ITGBL1: variants seen among roughly 807,000 people sequenced by gnomAD.
ITGBL1 encodes integrin subunit beta like 1.
ITGBL1 carries 51 observed loss-of-function variants against 68.5 expected under a neutral mutation model. The ratio of observed to expected loss-of-function variants is 0.74; its 90% CI spans 0.59 to 0.94. The LOEUF (loss-of-function observed/expected upper bound fraction) is 0.94, where lower values mean the gene tolerates loss of function less well. Ranked by LOEUF, ITGBL1 falls within the 40% of genes least tolerant of loss-of-function variation. The pLI is 0.00. For missense variants in ITGBL1, 649 were observed against 647.4 expected (o/e 1.00, Z -0.03); for synonymous variants, 209 against 227.3 (o/e 0.92, Z 0.72).
chr13:101,549,792 G>A (rs1053842330), intron 2 of ITGBL1, among the ~76,000 whole-genome samples: 3 of 151,834 alleles, frequency 2.0e-5, no homozygotes, highest in African/African-American at 7.3e-5. Flanking sequence ...TTATGTGTTG[G>A]TAAGTGTATT....
intron 7 of ITGBL1, among the ~76,000 whole-genome samples, chr13:101,604,575 T>C (rs1412762533): frequency 2.6e-5 from 4 of 151,478 alleles, no homozygotes; most frequent in Non-Finnish European, 5.9e-5. Flanking sequence ...TGAGTGCCTT[T>C]GGTCAAGGTC....
rs1419805022 is a variant in ITGBL1, at chr13:101,579,398, C to T, written c.698C>T (p.Ser233Phe). The T allele has an allele frequency of 1.9e-6, 3 of 1,613,648 alleles. No individual in the cohort carries two copies. The highest frequency in any genetic ancestry group is 2.5e-6 in the Non-Finnish European group (3 of 1,179,860). The change falls in exon 5 of 11, where the codon TCT (serine) becomes TTT (phenylalanine). Residue 233 changes from serine to phenylalanine, a missense_variant. Transcript: ENST00000376180. ...TGGGAAAGCAAGCGAAGATGCACGT[C>T]TCCAGATGGCAAAATCTGCAGTAAC... is the stretch of plus-strand genomic sequence containing the variant. Reference protein sequence around the residue: ...TPWESKRRCTSPDGKICSNRG... With the variant: ...TPWESKRRCTFPDGKICSNRG...
At chr13:101,521,941 C>T (rs964085374) in intron 2 of ITGBL1, among the ~76,000 whole-genome samples, 1 of 151,494 alleles carries the variant, frequency 6.6e-6, no homozygotes, top group African/African-American at 2.4e-5. Flanking sequence ...CTAGGTGAGG[C>T]ATCTCTCCTT....
intron 2 of ITGBL1, among the ~76,000 whole-genome samples, chr13:101,500,375 C>G (rs1345065800): frequency 1.3e-5 from 2 of 152,116 alleles, no homozygotes; most frequent in Non-Finnish European, 2.9e-5. Flanking sequence ...TAAAGCATTG[C>G]CAAGTTAAAA....
intron 2 of ITGBL1, among the ~76,000 whole-genome samples, chr13:101,503,411 C>G (rs2048975312): frequency 2.0e-5 from 3 of 152,082 alleles, no homozygotes. Flanking sequence ...AAGAATCAGA[C>G]TCCAGGAATG....
chr13:101,452,901 C>G lies in ITGBL1; in HGVS notation c.68C>G (p.Ala23Gly). ...ASSLLFAGLS[A>G]VPQSFSPSLR... ...TCCCTTCTCTTTGCTGGGTTGTCAG[C>G]TGTTCCTCAAAGCTTCTCGCCATCT... The change falls in exon 1 of 11, where the codon GCT becomes GGT. Residue 23 changes from alanine (A) to glycine (G), a missense_variant. Transcript: ENST00000376180. 1 of 1,614,182 alleles carries G rather than the reference C, an allele frequency of 6.2e-7. No homozygotes were observed. The highest frequency in any genetic ancestry group is 8.5e-7 in the Non-Finnish European group (1 of 1,180,024).
chr13:101,453,079 A>G (rs1387752694), intron 1 of ITGBL1, 148 bp downstream of exon 1: 12 of 635,436 alleles, frequency 1.9e-5, no homozygotes, highest in Non-Finnish European at 3.1e-5. Flanking sequence ...TCCTCTCCTT[A>G]TATCTACAGC....
At chr13:101,543,915 A>G (rs2049763683) in intron 2 of ITGBL1, among the ~76,000 whole-genome samples, 1 of 152,150 alleles carries the variant, frequency 6.6e-6, no homozygotes, top group Admixed American at 6.5e-5. Flanking sequence ...GGGTCCTTTA[A>G]GGACTTCTCT....
chr13:101,594,249 A>G (rs1372501538), intron 6 of ITGBL1, among the ~76,000 whole-genome samples: 1 of 152,180 alleles, frequency 6.6e-6, no homozygotes. Flanking sequence ...GACCAGTGGA[A>G]CAGAATAGAC....
intron 2 of ITGBL1, among the ~76,000 whole-genome samples, chr13:101,529,116 A>G (rs1458682578): frequency 6.6e-6 from 1 of 152,026 alleles, no homozygotes; most frequent in African/African-American, 2.4e-5. Flanking sequence ...AAATAAACAC[A>G]TGGATAATGC....
chr13:101,700,940 T>C (rs1338541635), intron 8 of ITGBL1, among the ~76,000 whole-genome samples: 5 of 152,204 alleles, frequency 3.3e-5, no homozygotes, highest in Admixed American at 3.3e-4. Flanking sequence ...TACTCAAATG[T>C]TGCTTATCGT....
intron 2 of ITGBL1, among the ~76,000 whole-genome samples, chr13:101,518,761 A>G (rs1289314585): frequency 6.6e-6 from 1 of 152,222 alleles, no homozygotes; most frequent in Non-Finnish European, 1.5e-5. Flanking sequence ...AATAATTTAC[A>G]TTAATTACAT....
intron 2 of ITGBL1, among the ~76,000 whole-genome samples, chr13:101,477,025 T>C (rs2048547761): frequency 6.6e-6 from 1 of 152,022 alleles, no homozygotes; most frequent in East Asian, 1.9e-4. Context: ...AGAACATCGA[T>C]GGCTGCAAAG....
chr13:101,537,740 C>T (rs2049604432), intron 2 of ITGBL1, among the ~76,000 whole-genome samples: 1 of 151,950 alleles, frequency 6.6e-6, no homozygotes. Flanking sequence ...CTTTGATCAA[C>T]TCCCAGTCAT....
chr13:101,579,336 T>C lies in ITGBL1; in HGVS notation c.636T>C (p.His212=). ...ACTGCTACTGCAAGGCTGGTTGGCA[T>C]GGAGATAAATGTGAATTCCAGTGCG... The part of the protein sequence containing the change: ...CGNCYCKAGW[H]GDKCEFQCDI... The change falls in exon 5 of 11, where the codon CAT becomes CAC. Residue 212 remains histidine, a synonymous_variant. Coordinates refer to ENST00000376180, the MANE Select transcript of ITGBL1 (RefSeq NM_004791.3). The C allele has an allele frequency of 6.2e-7, 1 of 1,613,966 alleles. No individual in the cohort carries two copies.
At chr13:101,705,464 A>AT (rs2034241656) in intron 8 of ITGBL1, among the ~76,000 whole-genome samples, 1 of 151,842 alleles carries the variant, frequency 6.6e-6, no homozygotes. Flanking sequence ...ACTCTACTGC[A>AT]TTTTTCACTG....
At chr13:101,674,821 A>G (rs2033462422) in intron 7 of ITGBL1, among the ~76,000 whole-genome samples, 1 of 152,058 alleles carries the variant, frequency 6.6e-6, no homozygotes, top group South Asian at 2.1e-4. Context: ...ATTTAGTTTA[A>G]CTTCATCTTA....
At chr13:101,660,989 C>T (rs2033070750) in intron 7 of ITGBL1, among the ~76,000 whole-genome samples, 3 of 152,106 alleles carry the variant, frequency 2.0e-5, no homozygotes, top group Admixed American at 2.0e-4. Flanking sequence ...TAGTCTTTTC[C>T]ATACAACTGT....
At chr13:101,462,645 C>A (rs919527318) in intron 2 of ITGBL1, among the ~76,000 whole-genome samples, 44 of 152,174 alleles carry the variant, frequency 2.9e-4, no homozygotes, top group African/African-American at 1.1e-3. Context: ...TGCAGTGGAG[C>A]AATCTCAGCT....
Sources: gnomAD v4.1 joint callset for allele counts (sites outside exome capture counted in the v4.1 genomes callset) on GRCh38, gnomAD v4.1.1 for gene constraint, MANE v1.5 for transcripts, NCBI Gene and HGNC (gene_info 2026-07-23, HGNC 2026-07-21) for gene names.